RORA: variants seen among roughly 807,000 people sequenced by gnomAD.
The protein encoded by RORA is RAR related orphan receptor A.
RORA carries 7 observed loss-of-function variants against 69.5 expected under a neutral mutation model. The observed-to-expected ratio is 0.10, with a 90% CI of 0.06 to 0.19. The LOEUF is 0.19. Ranked by LOEUF, RORA falls within the 10% of genes least tolerant of loss-of-function variation. The pLI is 1.00. For synonymous variants in RORA, 261 were observed against 240.8 expected (o/e 1.08, Z -0.78); for missense variants, 457 against 663.0 (o/e 0.69, Z 3.41).
rs535455365 is a variant in RORA at position 60,775,979 on chromosome 15, C to T, written c.167-97293G>A. ...CTCCATCCCTAAGTGCCAGAGGAGG[C>T]GTCAGATGTGCAGAAGTCAGCAATA... On this transcript the variant is annotated intron_variant, in intron 1 of 10. Coordinates refer to ENST00000335670, the MANE Select transcript of RORA (RefSeq NM_134261.3). 5.9e-5 allele frequency among the ~76,000 whole-genome samples: 9 copies of T among 152,292 alleles called. No individual in the cohort carries two copies. The South Asian group carries it at 1.2e-3, about 21-fold the overall frequency.
intron 1 of RORA, among the ~76,000 whole-genome samples, chr15:60,922,569 A>G (rs565928285): frequency 9.2e-5 from 14 of 152,218 alleles, no homozygotes; most frequent in Non-Finnish European, 2.1e-4. Flanking sequence ...TCATAAATAT[A>G]TTTTCACAAC....
intron 1 of RORA, among the ~76,000 whole-genome samples, chr15:60,823,340 C>T (rs1381082464): frequency 6.6e-6 from 1 of 152,170 alleles, no homozygotes; most frequent in African/African-American, 2.4e-5. Flanking sequence ...CAGGTGTAAG[C>T]CACCACAGGC....
chr15:60,915,009 T>C (rs1445768211), intron 1 of RORA, among the ~76,000 whole-genome samples: 1 of 152,186 alleles, frequency 6.6e-6, no homozygotes, highest in East Asian at 1.9e-4. Context: ...TGATCATGCC[T>C]TTCCGAATGA....
In RORA at chr15:61,131,153, C is replaced by T. The variant is rs1046484878; in HGVS notation, c.166+97900G>A. ...GTGCTATGGTTGGCCAACCAGGTCA[C>T]ACCACTTTTGAACACTGGGTGTAAA... On this transcript the variant is annotated intron_variant, in intron 1 of 10. Coordinates refer to ENST00000335670, the MANE Select transcript of RORA (RefSeq NM_134261.3). The surrounding 1 kb of genome is among the most constrained non-coding windows in gnomAD (Gnocchi z 4.2). 6.6e-6 allele frequency among the ~76,000 whole-genome samples: 1 copy of T among 152,176 alleles called. No homozygotes were observed. The highest frequency in any genetic ancestry group is 1.5e-5 in the Non-Finnish European group (1 of 68,038).
At chr15:60,682,278 T>C (rs1345566898) in intron 1 of RORA, 1 of 152,218 alleles carries the variant, frequency 6.6e-6, no homozygotes, top group Non-Finnish European at 1.5e-5. Context: ...AATTACCATG[T>C]GATAGTGAAA....
intron 1 of RORA, among the ~76,000 whole-genome samples, chr15:61,130,933 G>C (rs1389492491): frequency 6.6e-6 from 1 of 152,200 alleles, no homozygotes; most frequent in Non-Finnish European, 1.5e-5. Context: ...CTGAGACCCA[G>C]CCAAGTTTTA....
intron 1 of RORA, among the ~76,000 whole-genome samples, chr15:60,968,599 G>C (rs186688446): frequency 6.6e-6 from 1 of 152,058 alleles, no homozygotes; most frequent in African/African-American, 2.4e-5. Flanking sequence ...GGATATCAGG[G>C]ATTTTGTCTG....
intron 2 of RORA, chr15:60,627,181 G>A: frequency 2.0e-6 from 3 of 1,478,164 alleles, no homozygotes; most frequent in Non-Finnish European, 2.8e-6. Flanking sequence ...TGTGGGTGGT[G>A]GGGGGAGGGT....
intron 1 of RORA, among the ~76,000 whole-genome samples, chr15:60,703,458 C>T (rs1356862032): frequency 6.6e-6 from 1 of 152,070 alleles, no homozygotes; most frequent in African/African-American, 2.4e-5. Flanking sequence ...ATAGAACGCA[C>T]AGAGAACACC....
At chr15:61,050,642 G>T (rs1305075584) in intron 1 of RORA, among the ~76,000 whole-genome samples, 1 of 152,198 alleles carries the variant, frequency 6.6e-6, no homozygotes, top group Non-Finnish European at 1.5e-5. Flanking sequence ...GCATGTGTAA[G>T]AGTAAAACAT....
chr15:61,108,227 T>C (rs2078970338), intron 1 of RORA, among the ~76,000 whole-genome samples: 2 of 152,150 alleles, frequency 1.3e-5, no homozygotes, highest in Non-Finnish European at 2.9e-5. Flanking sequence ...GAAAATAAGG[T>C]CATGCAAAAT....
intron 1 of RORA, among the ~76,000 whole-genome samples, chr15:60,966,185 T>A (rs1472693688): frequency 6.6e-6 from 1 of 152,204 alleles, no homozygotes; most frequent in Non-Finnish European, 1.5e-5. Context: ...CCTCTTCTTA[T>A]AAGGATATCA....
intron 1 of RORA, among the ~76,000 whole-genome samples, chr15:60,947,005 CGGGAGGGAGGTGGGGG>C (rs1595837532): frequency 6.6e-6 from 1 of 151,032 alleles, no homozygotes; most frequent in East Asian, 2.0e-4. Flanking sequence ...CCGCCCCTTC[CGGGAGGGAGGTGGGGG>C]GCCAGCCCCC....
intron 1 of RORA, among the ~76,000 whole-genome samples, chr15:61,182,066 C>T (rs899421282): frequency 1.3e-5 from 2 of 152,202 alleles, no homozygotes; most frequent in African/African-American, 4.8e-5. Flanking sequence ...ACTCCAAGGT[C>T]ATATAACACC....
intron 1 of RORA, among the ~76,000 whole-genome samples, chr15:61,166,808 C>T (rs149414492): frequency 4.6e-5 from 7 of 152,140 alleles, no homozygotes; most frequent in Non-Finnish European, 1.0e-4. Context: ...ACATGTTATC[C>T]ACATGTTATC....
At chr15:60,513,584 C>T (rs1018709688) in intron 4 of RORA, among the ~76,000 whole-genome samples, 7 of 152,202 alleles carry the variant, frequency 4.6e-5, no homozygotes, top group African/African-American at 1.7e-4. Flanking sequence ...TTAGTACCAT[C>T]GGAAGATGAA....
intron 1 of RORA, among the ~76,000 whole-genome samples, chr15:60,876,327 C>T (rs1245374608): frequency 1.3e-5 from 1 of 76,632 alleles, no homozygotes; most frequent in East Asian, 4.0e-4. Flanking sequence ...GGGGGGGGGG[C>T]GGCTAGGAGA....
chr15:60,949,687 T>C (rs1409042466), intron 1 of RORA, among the ~76,000 whole-genome samples: 2 of 152,328 alleles, frequency 1.3e-5, no homozygotes, highest in East Asian at 3.9e-4. Flanking sequence ...ACAGATCCCA[T>C]AGTGTGGTGT....
intron 1 of RORA, among the ~76,000 whole-genome samples, chr15:61,207,432 T>C (rs1278043927): frequency 1.3e-5 from 2 of 152,212 alleles, no homozygotes; most frequent in Non-Finnish European, 2.9e-5. Flanking sequence ...GAATACTGAC[T>C]TGCTACCCTC....
Sources: gnomAD v4.1 joint callset for allele counts (sites outside exome capture counted in the v4.1 genomes callset) on GRCh38, gnomAD v4.1.1 for gene constraint, Gnocchi (gnomAD v3.1) non-coding constraint, MANE v1.5 for transcripts, NCBI Gene and HGNC (gene_info 2026-07-23, HGNC 2026-07-21) for gene names.